Variants in PPRC1 observed in about 807,000 individuals in gnomAD.
The protein encoded by PPRC1 is peroxisome proliferator-activated receptor gamma coactivator-related protein 1.
Under a neutral mutation model 132.5 loss-of-function variants are expected in PPRC1, and 23 were observed. The ratio of observed to expected loss-of-function variants is 0.17; its 90% CI spans 0.12 to 0.25. The LOEUF is 0.25. Ranked by LOEUF, PPRC1 falls within the 10% of genes least tolerant of loss-of-function variation. The pLI is 1.00. For synonymous variants in PPRC1, 872 were observed against 833.5 expected (o/e 1.05, Z -0.80); for missense variants, 2,006 against 2,089.1 (o/e 0.96, Z 0.78).
the PPRC1 span, among the ~76,000 whole-genome samples, chr10:102,126,344 G>GAA: frequency 2.1e-4 from 31 of 148,830 alleles, no homozygotes; most frequent in East Asian, 2.6e-3. Context: ...TGACTCAAAA[G>GAA]AAAAAAAAAA....
At position 102,150,110 on chromosome 10, in the gene PPRC1, A is replaced by G; in HGVS notation, c.*81A>G. 17 of 942,364 alleles carry G rather than the reference A, an allele frequency of 1.8e-5. No homozygotes were observed. The highest frequency in any genetic ancestry group is 2.7e-5 in the Non-Finnish European group (16 of 590,592). 58.4% of individuals were successfully genotyped at this position (942,364 alleles called of 1,614,324 possible). A position where few individuals can be genotyped will look rare whatever the true frequency, so the allele number is the denominator to read the frequency against. On this transcript the variant is annotated 3_prime_UTR_variant, in exon 14 of 14. Transcript: ENST00000278070. The stretch of plus-strand genomic sequence containing the variant: ...ACCCCCTTCCCCTACTCTAGGGGAG[A>G]GAGCTGCTAGTGAGATGACTGTTTT...
rs1232620574 is a variant in PPRC1 at position 102,140,284 on chromosome 10, T to C, written c.1776T>C (p.Ala592=). ...ASPMPVDSVE[A]DPTAVGPVLA... ...CCATGCCAGTTGACTCTGTTGAAGC[T>C]GATCCCACTGCAGTTGGCCCTGTTC... The change falls in exon 5 of 14, where the codon GCT becomes GCC. Residue 592 remains alanine (A), a synonymous_variant. Transcript: ENST00000278070. The C allele has an allele frequency of 6.2e-7, 1 of 1,614,240 alleles. No homozygotes were observed. The highest frequency in any genetic ancestry group is 1.1e-5 in the South Asian group (1 of 91,086).
intron 12 of PPRC1, 80 bp from the exon 13 acceptor site, chr10:102,149,098 G>A (rs376948727): frequency 2.0e-6 from 3 of 1,527,538 alleles, no homozygotes; most frequent in Non-Finnish European, 2.6e-6. Flanking sequence ...AACCACCTCT[G>A]TACCTTGGGA....
In PPRC1 at chr10:102,141,065, C is replaced by G; in HGVS notation, c.2557C>G (p.Pro853Ala). 1 of 1,614,126 alleles carries G rather than the reference C, an allele frequency of 6.2e-7. No individual in the cohort carries two copies. ...PTEQVPSQEM[P>A]LLARPSPPVQ... ...TGAGCAGGTGCCATCCCAGGAGATG[C>G]CACTGTTGGCGAGACCTTCCCCTCC... Residue 853 changes from proline (P) to alanine (A), a missense_variant, in exon 5 of 14, where the codon CCA (proline) becomes GCA (alanine). Coordinates refer to ENST00000278070, the MANE Select transcript of PPRC1 (RefSeq NM_015062.5).
Position 102,139,921 on chromosome 10 carries a change from T to G in PPRC1, c.1413T>G (p.Cys471Trp). 6.2e-7 allele frequency: 1 copy of G among 1,614,210 alleles called. No homozygotes were observed. Among genetic ancestry groups the G allele is most frequent in the Non-Finnish European group, 8.5e-7 (1 of 1,180,034 alleles). ...KKKSKEQPAACVEGYARRLRS... is the reference protein window; with the variant it reads ...KKKSKEQPAAWVEGYARRLRS... ...AGAGCAAGGAGCAGCCAGCAGCCTG[T>G]GTGGAAGGCTATGCCAGGAGGCTGA... is the stretch of plus-strand genomic sequence containing the variant. Residue 471 changes from cysteine to tryptophan, a missense_variant, in exon 5 of 14, where the codon TGT becomes TGG. Physicochemically the swap from Cys to Trp is radical, Grantham distance 215 (BLOSUM62 -2). This residue lies in a region of PPRC1 where 1,914 missense variants were observed against 1,917.2 expected (regional missense o/e 1.00). Transcript: ENST00000278070.
chr10:102,147,507 A>C, intron 9 of PPRC1, 115 bp downstream of exon 9: 1 of 1,352,162 alleles, frequency 7.4e-7, no homozygotes, highest in Non-Finnish European at 1.0e-6. Context: ...TAAGGCTTCT[A>C]TTTCTGACTT....
chr10:102,134,205 C>T (rs1156901273), intron 1 of PPRC1, among the ~76,000 whole-genome samples: 1 of 152,054 alleles, frequency 6.6e-6, no homozygotes, highest in Non-Finnish European at 1.5e-5. Flanking sequence ...TCACTTTTTC[C>T]TCCAGCATCT....
rs1292995104 is a variant in PPRC1 at position 102,146,912 on chromosome 10, A to G, written c.3920A>G (p.Lys1307Arg). Residue 1307 changes from lysine (K) to arginine (R), a missense_variant, in exon 9 of 14, where the codon AAA (lysine) becomes AGA (arginine). Physicochemically the swap from Lys to Arg is conservative, Grantham distance 26. This residue lies in a region of PPRC1 where 1,914 missense variants were observed against 1,917.2 expected (regional missense o/e 1.00). Coordinates refer to ENST00000278070, the MANE Select transcript of PPRC1 (RefSeq NM_015062.5). ...TGTGTCCGGAGCAGGACCCCCCCAA[A>G]AAAGATGCCTGCCCTAGTCATTCCA... Reference protein sequence around the residue: ...DYCVRSRTPPKKMPALVIPEV... With the variant: ...DYCVRSRTPPRKMPALVIPEV... The G allele has an allele frequency of 1.2e-6, 2 of 1,614,020 alleles. No individual in the cohort carries two copies. Among genetic ancestry groups the G allele is most frequent in the Non-Finnish European group, 1.7e-6 (2 of 1,180,004 alleles).
chr10:102,127,020 CATATATATATATATATATAT>C, the PPRC1 span, among the ~76,000 whole-genome samples: 28 of 87,950 alleles, frequency 3.2e-4, no homozygotes, highest in South Asian at 6.5e-4. Context: ...GGTTTTTTAT[CATATATATATATATATATAT>C]ATATATATAT....
In PPRC1 at chr10:102,140,410, A is replaced by G. The variant is rs773014938; in HGVS notation, c.1902A>G (p.Pro634=). 2.5e-6 allele frequency: 4 copies of G among 1,614,208 alleles called. No individual in the cohort carries two copies. The highest frequency in any genetic ancestry group is 3.4e-6 in the Non-Finnish European group (4 of 1,180,036). Residue 634 remains proline, a synonymous_variant, in exon 5 of 14, where the codon CCA becomes CCG. Transcript: ENST00000278070. ...CGGCTGAGCCAGTGCTGATCAACCC[A>G]GTCCTGGCTGACTCAGCAGCAGTTG... ...PLPAEPVLIN[P]VLADSAAVDP...
rs1314187684 is a variant in PPRC1 at position 102,148,752 on chromosome 10, G to A, written c.4617+58G>A. 4 of 1,614,006 alleles carry A rather than the reference G, an allele frequency of 2.5e-6. No homozygotes were observed. Among genetic ancestry groups the A allele is most frequent in the Non-Finnish European group, 3.4e-6 (4 of 1,179,966 alleles). ...GCTTACCCCCTGAGCCTTGAGCTCA[G>A]AGAGCTGCCTGCAGCTGTAGCCCTG... On this transcript the variant is annotated intron_variant, in intron 11 of 13. Transcript: ENST00000278070. The surrounding 1 kb of genome is among the most constrained non-coding windows in gnomAD (Gnocchi z 4.2).
rs776802745 is a variant in PPRC1 at position 102,141,230 on chromosome 10, C to T, written c.2722C>T (p.Pro908Ser). ...TCCTAGTCTTCCATTGTCTATGGGG[C>T]CAGTACTACCTGATCCGTTTACTCA... ...QPPSLPLSMG[P>S]VLPDPFTHYA... Residue 908 changes from proline (P) to serine (S), a missense_variant, in exon 5 of 14, where the codon CCA becomes TCA. By Grantham distance (74) the Pro-to-Ser change is moderately conservative. This residue lies in a region of PPRC1 where 1,914 missense variants were observed against 1,917.2 expected (regional missense o/e 1.00). Transcript: ENST00000278070. The T allele has an allele frequency of 4.3e-6, 7 of 1,613,934 alleles. No homozygotes were observed. In the African/African-American group the frequency reaches 5.3e-5, roughly 12 times the overall value.
chr10:102,123,811 G>T, the PPRC1 span, among the ~76,000 whole-genome samples: 22 of 150,058 alleles, frequency 1.5e-4, no homozygotes, highest in Admixed American at 9.3e-4. Flanking sequence ...TGGGATTATA[G>T]GCGTGAGCCA....
At chr10:102,147,717 G>A (rs1014517775) in intron 9 of PPRC1, among the ~76,000 whole-genome samples, 2 of 152,114 alleles carry the variant, frequency 1.3e-5, no homozygotes, top group African/African-American at 2.4e-5. Context: ...TATTCTGGGC[G>A]CTATGTGAGG....
chr10:102,146,549 T>C (rs2069252400), intron 8 of PPRC1, 123 bp from the exon 9 acceptor site: 1 of 1,381,408 alleles, frequency 7.2e-7, no homozygotes, highest in Non-Finnish European at 9.7e-7. Context: ...AAAGTTGGGC[T>C]GCTTACCTTG....
chr10:102,147,093 A>T lies in PPRC1; in HGVS notation c.4101A>T (p.Ala1367=). The change falls in exon 9 of 14, where the codon GCA becomes GCT. Residue 1367 remains alanine, a synonymous_variant. Transcript: ENST00000278070. ...GCAGTGAGCAGGCAGATCCCTCAGC[A>T]CCCTGCCTTGCCCCATCCAGCTTGC... The part of the protein sequence containing the change: ...RTSSEQADPS[A]PCLAPSSLLS... 1 of 1,613,978 alleles carries T rather than the reference A, an allele frequency of 6.2e-7. No homozygotes were observed.
Position 102,140,767 on chromosome 10 carries a change from A to G in PPRC1, c.2259A>G (p.Leu753=). 5 of 1,613,898 alleles carry G rather than the reference A, an allele frequency of 3.1e-6. No homozygotes were observed. The highest frequency in any genetic ancestry group is 4.2e-6 in the Non-Finnish European group (5 of 1,180,008). ...THEARPRPLS[L]SEYRRRRQQR... ...AAGCCAGACCTCGGCCTCTCAGCTT[A>G]TCTGAGTACCGGCGACGAAGGCAGC... The change falls in exon 5 of 14, where the codon TTA becomes TTG. Residue 753 remains leucine, a synonymous_variant. Transcript: ENST00000278070.
chr10:102,150,165 A>C lies in PPRC1; in HGVS notation c.*136A>C. ...AGAAATGGAAAAAAGTGAAATAAAAAATATGTTGAATCAGATTTTTTAAAA... is the reference window on the plus strand; with the variant it reads ...AGAAATGGAAAAAAGTGAAATAAAACATATGTTGAATCAGATTTTTTAAAA... On this transcript the variant is annotated 3_prime_UTR_variant, in exon 14 of 14. Transcript: ENST00000278070. The C allele has an allele frequency of 1.6e-6, 1 of 643,032 alleles. No homozygotes were observed. 39.8% of individuals were successfully genotyped at this position (643,032 alleles called of 1,614,324 possible).
chr10:102,141,686 G>T lies in PPRC1; in HGVS notation c.3178G>T (p.Val1060Leu). The T allele has an allele frequency of 6.2e-7, 1 of 1,614,110 alleles. No homozygotes were observed. The highest frequency in any genetic ancestry group is 1.3e-5 in the African/African-American group (1 of 75,052). ...GCCTACCAAGGTGGAGGTCAAGCCAGTGCCTGCATCTCCCCATCCGAAACA... is the reference window on the plus strand; with the variant it reads ...GCCTACCAAGGTGGAGGTCAAGCCATTGCCTGCATCTCCCCATCCGAAACA... ...TEPTKVEVKP[V>L]PASPHPKHKV... is the part of the protein sequence containing the mutation. Residue 1060 changes from valine (V) to leucine (L), a missense_variant, in exon 5 of 14, where the codon GTG (valine) becomes TTG (leucine). Physicochemically the swap from Val to Leu is conservative, Grantham distance 32 (BLOSUM62 1). Transcript: ENST00000278070.
Sources: gnomAD v4.1 joint callset for allele counts (sites outside exome capture counted in the v4.1 genomes callset) on GRCh38, gnomAD v4.1.1 for gene constraint, gnomAD v4.1.1 regional missense constraint, Gnocchi (gnomAD v3.1) non-coding constraint, MANE v1.5 for transcripts, NCBI Gene and HGNC (gene_info 2026-07-23, HGNC 2026-07-21) for gene names.